The following CD109 variants were observed in gnomAD, a reference collection of about 807,000 sequenced individuals.
CD109 encodes CD109 molecule.
CD109 carries 149 observed loss-of-function variants against 165.8 expected under a neutral mutation model. The ratio of observed to expected loss-of-function variants is 0.90; its 90% CI spans 0.79 to 1.03. The LOEUF (loss-of-function observed/expected upper bound fraction) is 1.03. CD109 is among the 50% of genes least tolerant of loss of function. The probability of loss-of-function intolerance (pLI) is 0.00; values close to 1 mark genes in which losing one functional copy is unlikely to be tolerated. For synonymous variants in CD109, 585 were observed against 592.1 expected, an observed-to-expected ratio of 0.99 and a Z score of 0.18; for missense variants, 1,712 against 1,677.8, an observed-to-expected ratio of 1.02 and a Z score of -0.36.
intron 2 of CD109, among the ~76,000 whole-genome samples, chr6:73,713,927 C>T (rs1376707616): frequency 6.6e-6 from 1 of 152,076 alleles, no homozygotes; most frequent in Non-Finnish European, 1.5e-5. Context: ...CCTCCCCCGT[C>T]GTTCTTCATC....
chr6:73,736,053 G>C (rs1414837159), intron 4 of CD109, among the ~76,000 whole-genome samples: 1 of 152,126 alleles, frequency 6.6e-6, no homozygotes, highest in East Asian at 1.9e-4. Context: ...AGAAATATGA[G>C]AAAAGAATAA....
At chr6:73,781,218 A>G in intron 16 of CD109, 41 bp from the exon 17 acceptor site, 2 of 1,535,824 alleles carry the variant, frequency 1.3e-6, no homozygotes, top group Non-Finnish European at 1.8e-6. Context: ...GTGAGCATTT[A>G]AACTTGTGTT....
intron 24 of CD109, 110 bp from the exon 25 acceptor site, chr6:73,806,734 T>A (rs2150293985): frequency 1.4e-6 from 1 of 716,846 alleles, no homozygotes; most frequent in South Asian, 2.0e-5. Flanking sequence ...TGATTCCCCC[T>A]TTGATGAATC....
At chr6:73,706,827 C>T (rs1337303708) in intron 2 of CD109, among the ~76,000 whole-genome samples, 1 of 152,122 alleles carries the variant, frequency 6.6e-6, no homozygotes, top group African/African-American at 2.4e-5. Context: ...TCCCTTTTGG[C>T]AGGGCTGTGT....
chr6:73,810,257 A>G, intron 27 of CD109, 83 bp downstream of exon 27: 1 of 337,446 alleles, frequency 3.0e-6, no homozygotes, highest in Non-Finnish European at 4.7e-6. Flanking sequence ...TATAATATAT[A>G]GTATATATTA....
At chr6:73,679,977 G>T in the CD109 span, among the ~76,000 whole-genome samples, 1 of 152,132 alleles carries the variant, frequency 6.6e-6, no homozygotes. Flanking sequence ...CATGTTTTAC[G>T]TGGAAAGTTT....
In CD109 at chr6:73,815,025, A is replaced by G; in HGVS notation, c.3813A>G (p.Arg1271=). ...YNVKASGSSR[R]RRSIQNQEAF... ...TGAAGGCTTCTGGGTCTTCTAGAAG[A>G]CGAAGATCTATCCAAAATCAAGAAG... Residue 1271 remains arginine (R), a synonymous_variant, in exon 30 of 33, where the codon AGA becomes AGG. Coordinates refer to ENST00000287097, the MANE Select transcript of CD109 (RefSeq NM_133493.5). The G allele has an allele frequency of 6.3e-7, 1 of 1,584,604 alleles. No individual in the cohort carries two copies. Among genetic ancestry groups the G allele is most frequent in the Middle Eastern group, 1.7e-4 (1 of 5,816 alleles).
chr6:73,708,783 T>C (rs1771404964), intron 2 of CD109, among the ~76,000 whole-genome samples: 1 of 152,246 alleles, frequency 6.6e-6, no homozygotes, highest in East Asian at 1.9e-4. Flanking sequence ...GTTTTTTGGC[T>C]GCACAAATGT....
In CD109 at chr6:73,788,638, A is replaced by G. The variant is rs747279198; in HGVS notation, c.2701+26A>G. 1.5e-5 allele frequency: 23 copies of G among 1,569,106 alleles called. No individual in the cohort carries two copies. In the South Asian group the frequency reaches 2.2e-4, roughly 15 times the overall value. On this transcript the variant is annotated intron_variant, in intron 22 of 32. Transcript: ENST00000287097. ...GTAAGAATAGAGTATATCACCATCT[A>G]TTGGTTTAATTGTATATGATCATAT...
chr6:73,800,200 T>A (rs1396331579), intron 23 of CD109, among the ~76,000 whole-genome samples: 1 of 152,198 alleles, frequency 6.6e-6, no homozygotes, highest in South Asian at 2.1e-4. Flanking sequence ...TATATCTATA[T>A]GTACTATTTT....
In CD109 at chr6:73,766,068, C is replaced by T. The variant is rs113690012; in HGVS notation, c.1246C>T (p.Gln416Ter). The change falls in exon 11 of 33, where the codon CAG becomes TAG. Residue 416 changes from glutamine to a stop codon, truncating the protein, a stop_gained. Transcript: ENST00000287097. LOFTEE classifies it high-confidence loss of function. ...NSGNQKMEAVQKINYTVPQSG... is the reference protein window; with the variant it reads ...NSGNQKMEAV ...TGGAAATCAGAAAATGGAAGCTGTT[C>T]AGAAAATAAATTATACTGTCCCCCA... 1.2e-6 allele frequency: 2 copies of T among 1,613,976 alleles called. No homozygotes were observed. The highest frequency in any genetic ancestry group is 1.1e-5 in the South Asian group (1 of 91,080).
At chr6:73,723,330 A>G (rs774481360) in intron 3 of CD109, 51 bp downstream of exon 3, 11 of 1,298,342 alleles carry the variant, frequency 8.5e-6, no homozygotes, top group African/African-American at 1.5e-5. Context: ...GTATCAGTGA[A>G]CTAAATAAAT....
Position 73,815,142 on chromosome 6 carries a change from C to G in CD109, c.3911+19C>G. On this transcript the variant is annotated intron_variant, in intron 30 of 32. Coordinates refer to ENST00000287097, the MANE Select transcript of CD109 (RefSeq NM_133493.5). ...GTACAAGGTAAGTGTCTGCTTAGGT[C>G]TCTCTTCTTTTTTTCCTTTAAAAAA... 6.5e-7 allele frequency: 1 copy of G among 1,543,030 alleles called. No homozygotes were observed. The highest frequency in any genetic ancestry group is 2.4e-5 in the East Asian group (1 of 41,092).
At chr6:73,707,512 TG>T (rs1771326192) in intron 2 of CD109, among the ~76,000 whole-genome samples, 1 of 152,092 alleles carries the variant, frequency 6.6e-6, no homozygotes, top group Admixed American at 6.6e-5. Flanking sequence ...GGAGGCACAG[TG>T]GGTTAGAATG....
intron 1 of CD109, 21 bp downstream of exon 1, chr6:73,696,310 G>GCCT (rs1562015309): frequency 4.3e-6 from 6 of 1,404,262 alleles, no homozygotes; most frequent in East Asian, 2.8e-5. Flanking sequence ...GGGCGCGCGG[G>GCCT]GGGCGCGCGG....
intron 4 of CD109, among the ~76,000 whole-genome samples, chr6:73,731,083 G>T (rs1232384103): frequency 6.6e-6 from 1 of 150,606 alleles, no homozygotes; most frequent in Admixed American, 6.6e-5. Context: ...TTTCACTCTT[G>T]TTGCCCAGGC....
At chr6:73,802,295 A>G (rs1457228805) in intron 23 of CD109, among the ~76,000 whole-genome samples, 26 of 86,354 alleles carry the variant, frequency 3.0e-4, no homozygotes, top group African/African-American at 1.1e-3. Context: ...GTGTGTATAT[A>G]TATATATATA....
chr6:73,792,789 A>G lies in CD109; in HGVS notation c.2865A>G (p.Ser955=), dbSNP rs758414229. The part of the protein sequence containing the change: ...LTDNLKEKAL[S]FMRQGYQREL... ...ATAATTTGAAAGAAAAAGCTCTTTC[A>G]TTTATGAGGCAAGGTAAGCATTTTA... The change falls in exon 23 of 33, where the codon TCA becomes TCG. Residue 955 remains serine, a synonymous_variant. Coordinates refer to ENST00000287097, the MANE Select transcript of CD109 (RefSeq NM_133493.5). 4.4e-6 allele frequency: 7 copies of G among 1,608,564 alleles called. No homozygotes were observed. The Middle Eastern group carries it at 1.1e-3, about 245-fold the overall frequency.
intron 10 of CD109, among the ~76,000 whole-genome samples, chr6:73,764,710 G>C (rs1773768226): frequency 6.6e-6 from 1 of 152,060 alleles, no homozygotes; most frequent in South Asian, 2.1e-4. Context: ...CAACTACTCG[G>C]GAGGCTGAGG....
Sources: gnomAD v4.1 joint callset for allele counts (sites outside exome capture counted in the v4.1 genomes callset) on GRCh38, gnomAD v4.1.1 for gene constraint, MANE v1.5 for transcripts, NCBI Gene and HGNC (gene_info 2026-07-23, HGNC 2026-07-21) for gene names.